CCN6: variants seen among roughly 807,000 people sequenced by gnomAD.
CCN6 encodes cellular communication network factor 6.
A neutral mutation model predicts 37.4 loss-of-function variants in CCN6; 31 were observed. That is an observed-to-expected ratio of 0.83 (90% CI 0.62 to 1.12). CCN6 has a LOEUF of 1.12. Among genes scored for constraint, CCN6 ranks in the 50% most tolerant of loss-of-function variants. CCN6 has a pLI of 0.00. For synonymous variants in CCN6, 137 were observed against 142.1 expected (o/e 0.96, Z 0.26); for missense variants, 369 against 413.8 (o/e 0.89, Z 0.94).
chr6:112,061,505 A>T (rs1471449735), intron 2 of CCN6: 1 of 607,612 alleles, frequency 1.6e-6, no homozygotes, highest in Non-Finnish European at 2.9e-6. Context: ...CATTGCACTG[A>T]GGTGATTTTG....
chr6:112,054,139 G>T lies in CCN6; in HGVS notation c.-219G>T, dbSNP rs1776274776. ...TGTGACACGCTCACTGCGAAGGCAG[G>T]TTATTAGAAGAGTCCCATGAAAGTA... On this transcript the variant is annotated 5_prime_UTR_variant, in exon 1 of 5. Transcript: ENST00000368666. 2.7e-6 allele frequency: 2 copies of T among 747,172 alleles called. No individual in the cohort carries two copies. The allele number at this position is 747,172 out of a possible 1,614,324, so 46.3% of individuals were successfully genotyped here. A position where few individuals can be genotyped will look rare whatever the true frequency, so the allele number is the denominator to read the frequency against.
At chr6:112,062,055 G>A (rs782194874) in intron 2 of CCN6, among the ~76,000 whole-genome samples, 2 of 152,022 alleles carry the variant, frequency 1.3e-5, no homozygotes, top group Non-Finnish European at 2.9e-5. Flanking sequence ...AATGTGTAGA[G>A]CACTCAAGCT....
chr6:112,055,308 G>C (rs1247665801), intron 1 of CCN6, among the ~76,000 whole-genome samples: 1 of 152,222 alleles, frequency 6.6e-6, no homozygotes, highest in East Asian at 1.9e-4. Context: ...TCACTCCCCT[G>C]TCTGTGTGCC....
chr6:112,054,499 AG>A, intron 1 of CCN6, 94 bp downstream of exon 1: 2 of 1,214,442 alleles, frequency 1.6e-6, no homozygotes, highest in Non-Finnish European at 1.2e-6. Flanking sequence ...ATGGAGGAAG[AG>A]GGAGGATCAA....
intron 4 of CCN6, among the ~76,000 whole-genome samples, chr6:112,068,920 A>G (rs904038452): frequency 6.6e-6 from 1 of 152,178 alleles, no homozygotes. Flanking sequence ...GTTATTCTCT[A>G]TCATATTAGC....
At chr6:112,067,399 A>G (rs587711561) in intron 3 of CCN6, among the ~76,000 whole-genome samples, 2 of 152,262 alleles carry the variant, frequency 1.3e-5, no homozygotes, top group South Asian at 2.1e-4. Flanking sequence ...CAGTGACCTT[A>G]CATGGAAATG....
chr6:112,058,307 T>C (rs1225835369), intron 1 of CCN6, among the ~76,000 whole-genome samples: 2 of 152,202 alleles, frequency 1.3e-5, no homozygotes, highest in Non-Finnish European at 2.9e-5. Context: ...GGTTTAATAT[T>C]GGGTGGAATT....
At position 112,061,061 on chromosome 6, in the gene CCN6, A is replaced by G; in HGVS notation, c.119A>G (p.Asp40Gly). The G allele has an allele frequency of 1.2e-6, 2 of 1,614,204 alleles. No individual in the cohort carries two copies. The change falls in exon 2 of 5, where the codon GAT (aspartate) becomes GGT (glycine). Residue 40 changes from aspartate to glycine, a missense_variant. Coordinates refer to ENST00000368666, the MANE Select transcript of CCN6 (RefSeq NM_198239.2). ...GAAGGAAGGCCTGGAGAAGTGTCAG[A>G]TGCACCTCAGCGTAAACAGTTTTGT... is the stretch of plus-strand genomic sequence containing the variant. ...TPEGRPGEVS[D>G]APQRKQFCHW...
At chr6:112,057,218 G>C (rs782153576) in intron 1 of CCN6, among the ~76,000 whole-genome samples, 11 of 152,344 alleles carry the variant, frequency 7.2e-5, no homozygotes, top group South Asian at 2.1e-4. Context: ...AAGCTCAAGA[G>C]GTAGGCAGGA....
intron 1 of CCN6, chr6:112,054,667 C>T (rs1384841902): frequency 1.1e-5 from 5 of 462,036 alleles, no homozygotes; most frequent in Middle Eastern, 1.3e-3. Flanking sequence ...AACAGCGCCA[C>T]GCTTTCCTAT....
chr6:112,063,524 C>T (rs1776588702), intron 2 of CCN6, among the ~76,000 whole-genome samples: 1 of 152,016 alleles, frequency 6.6e-6, no homozygotes, highest in African/African-American at 2.4e-5. Context: ...TATGTAATAT[C>T]TAAAAAAAAT....
At chr6:112,067,496 C>G (rs1314237101) in intron 3 of CCN6, among the ~76,000 whole-genome samples, 3 of 152,110 alleles carry the variant, frequency 2.0e-5, no homozygotes, top group African/African-American at 7.2e-5. Flanking sequence ...TACTCACTCA[C>G]TGACCCATCT....
chr6:112,065,927 C>CT (rs1776683709), intron 3 of CCN6, among the ~76,000 whole-genome samples: 1 of 152,200 alleles, frequency 6.6e-6, no homozygotes, highest in East Asian at 1.9e-4. Flanking sequence ...TTGTTCACAT[C>CT]TCTGTGTTCT....
Position 112,054,121 on chromosome 6 carries a change from C to T in CCN6, c.-237C>T, listed in dbSNP as rs184176961. ...GCTCGCCCATTCCTGACCTGTGACA[C>T]GCTCACTGCGAAGGCAGGTTATTAG... On this transcript the variant is annotated 5_prime_UTR_variant, in exon 1 of 5. It adds an upstream start codon to the 5' untranslated region. Coordinates refer to ENST00000368666, the MANE Select transcript of CCN6 (RefSeq NM_198239.2). 1.0e-4 allele frequency: 71 copies of T among 685,192 alleles called. No individual in the cohort carries two copies. Among genetic ancestry groups the T allele is most frequent in the Non-Finnish European group, 1.8e-4 (68 of 374,218 alleles). The allele number at this position is 685,192 out of a possible 1,614,324, so 42.4% of individuals were successfully genotyped here. A position where few individuals can be genotyped will look rare whatever the true frequency, so the allele number is the denominator to read the frequency against.
chr6:112,067,143 C>G (rs1776721658), intron 3 of CCN6: 2 of 723,360 alleles, frequency 2.8e-6, no homozygotes, highest in Admixed American at 4.2e-5. Flanking sequence ...AGAGCACATA[C>G]TTTAAAGAGA....
chr6:112,062,607 G>A (rs1196014303), intron 2 of CCN6, among the ~76,000 whole-genome samples: 3 of 152,234 alleles, frequency 2.0e-5, no homozygotes, highest in African/African-American at 7.2e-5. Flanking sequence ...TCTATAACTG[G>A]AGCCCCAAAC....
At position 112,068,164 on chromosome 6, in the gene CCN6, A is replaced by G. The variant is rs781831706; in HGVS notation, c.590-41A>G. On this transcript the variant is annotated intron_variant, in intron 3 of 4. Coordinates refer to ENST00000368666, the MANE Select transcript of CCN6 (RefSeq NM_198239.2). ...AAAAATTATCTATTTATACAAGTAC[A>G]TTTATATGTATACATATGTACTTTT... 10 of 1,419,834 alleles carry G rather than the reference A, an allele frequency of 7.0e-6. No homozygotes were observed. In the East Asian group the frequency reaches 1.7e-4, roughly 24 times the overall value. The allele number at this position is 1,419,834 out of a possible 1,614,324, so 88.0% of individuals were successfully genotyped here.
At chr6:112,062,208 C>A (rs1347029102) in intron 2 of CCN6, among the ~76,000 whole-genome samples, 1 of 152,144 alleles carries the variant, frequency 6.6e-6, no homozygotes, top group Admixed American at 6.6e-5. Flanking sequence ...ATATGTACTT[C>A]CTAGCTTATA....
Position 112,068,386 on chromosome 6 carries a change from A to C in CCN6, c.771A>C (p.Leu257Phe). Residue 257 changes from leucine (L) to phenylalanine (F), a missense_variant, in exon 4 of 5, where the codon TTA (leucine) becomes TTC (phenylalanine). Coordinates refer to ENST00000368666, the MANE Select transcript of CCN6 (RefSeq NM_198239.2). ...CYIQPCDSNILKTIKIPKGKT... is the reference protein window; with the variant it reads ...CYIQPCDSNIFKTIKIPKGKT... Reference sequence around the variant, plus strand: ...TTCAGCCTTGCGACAGCAATATATTAAAGACAATAAAGGTAAAGTTTAAAT... The same window carrying C: ...TTCAGCCTTGCGACAGCAATATATTCAAGACAATAAAGGTAAAGTTTAAAT... The C allele has an allele frequency of 6.2e-7, 1 of 1,610,712 alleles. No individual in the cohort carries two copies. Among genetic ancestry groups the C allele is most frequent in the Non-Finnish European group, 8.5e-7 (1 of 1,178,130 alleles).
Sources: allele counts gnomAD v4.1 joint callset (sites outside exome capture counted in the v4.1 genomes callset), GRCh38; gene constraint gnomAD v4.1.1; transcripts MANE v1.5; gene names NCBI Gene and HGNC (gene_info 2026-07-23, HGNC 2026-07-21).